The following HOOK1 variants were observed in gnomAD, a reference collection of about 807,000 sequenced individuals.
The protein encoded by HOOK1 is hook microtubule tethering protein 1.
In HOOK1, 60 loss-of-function variants were observed where a neutral mutation model predicts 112.8. That is an observed-to-expected ratio of 0.53 (90% confidence interval 0.43 to 0.66). The LOEUF (loss-of-function observed/expected upper bound fraction) is 0.66, where lower values mean the gene tolerates loss of function less well. Ranked by LOEUF, HOOK1 falls within the 30% of genes least tolerant of loss-of-function variation. The pLI is 0.00. For synonymous variants in HOOK1, 294 were observed against 283.8 expected (o/e 1.04, Z -0.36); for missense variants, 770 against 856.0 (o/e 0.90, Z 1.25).
At chr1:59,850,575 G>A (rs920304816) in intron 12 of HOOK1, among the ~76,000 whole-genome samples, 1 of 151,388 alleles carries the variant, frequency 6.6e-6, no homozygotes, top group Admixed American at 6.6e-5. Context: ...TCTTTTGTAT[G>A]TTGATATCCA....
intron 3 of HOOK1, among the ~76,000 whole-genome samples, chr1:59,831,342 T>C (rs1037853869): frequency 1.4e-4 from 22 of 152,290 alleles, no homozygotes; most frequent in Admixed American, 7.8e-4. Flanking sequence ...TGGGGGTCTT[T>C]AGTGAATGTT....
At chr1:59,842,928 C>G (rs2098401745) in intron 8 of HOOK1, among the ~76,000 whole-genome samples, 1 of 151,928 alleles carries the variant, frequency 6.6e-6, no homozygotes, top group Non-Finnish European at 1.5e-5. Context: ...ATGGAAACAG[C>G]TTAGCTTTTT....
intron 2 of HOOK1, among the ~76,000 whole-genome samples, chr1:59,826,138 G>A (rs1443586517): frequency 6.6e-6 from 1 of 152,040 alleles, no homozygotes; most frequent in African/African-American, 2.4e-5. Flanking sequence ...TAAATACACC[G>A]GATGGAGTTA....
chr1:59,815,937 A>AGATTGTTCAATATTCCAGTCAGC (rs2098381087), intron 1 of HOOK1, among the ~76,000 whole-genome samples: 2 of 152,172 alleles, frequency 1.3e-5, no homozygotes, highest in South Asian at 4.1e-4. Context: ...ATCTGTCCCC[A>AGATTGTTCAATATTCCAGTCAGC]GATTGTTCAA....
intron 2 of HOOK1, among the ~76,000 whole-genome samples, chr1:59,823,268 C>T (rs562854264): frequency 1.3e-5 from 2 of 152,208 alleles, no homozygotes; most frequent in South Asian, 2.1e-4. Context: ...CACAGTGAGC[C>T]GAGATCCTGC....
intron 4 of HOOK1, 35 bp downstream of exon 4, chr1:59,832,248 A>T: frequency 7.8e-7 from 1 of 1,287,562 alleles, no homozygotes; most frequent in Middle Eastern, 1.9e-4. Context: ...TAAATGCATC[A>T]TGCTATACGA....
At chr1:59,843,686 C>T (rs1288343133) in intron 9 of HOOK1, 88 bp downstream of exon 9, 1 of 973,606 alleles carries the variant, frequency 1.0e-6, no homozygotes, top group Non-Finnish European at 1.5e-6. Flanking sequence ...AATTACTAAG[C>T]ATTGTTAAGC....
At chr1:59,858,574 A>T in intron 13 of HOOK1, 59 bp downstream of exon 13, 1 of 1,108,172 alleles carries the variant, frequency 9.0e-7, no homozygotes, top group Non-Finnish European at 1.4e-6. Context: ...GACTCCATTC[A>T]ACAAAAAATA....
chr1:59,846,572 T>A (rs1429117917), intron 9 of HOOK1, among the ~76,000 whole-genome samples: 2 of 79,834 alleles, frequency 2.5e-5, no homozygotes, highest in Non-Finnish European at 5.0e-5. Flanking sequence ...CCTTCCTTCC[T>A]TCCTTCCTTC....
At chr1:59,862,978 C>A in intron 16 of HOOK1, 101 bp downstream of exon 16, 1 of 682,262 alleles carries the variant, frequency 1.5e-6, no homozygotes, top group Non-Finnish European at 2.6e-6. Flanking sequence ...CAGCCCTTAT[C>A]ATTGAGAATA....
chr1:59,839,229 G>C (rs1424190105), intron 7 of HOOK1, among the ~76,000 whole-genome samples: 1 of 152,148 alleles, frequency 6.6e-6, no homozygotes, highest in African/African-American at 2.4e-5. Context: ...TTCCAATTCT[G>C]TGAAGAAAGT....
chr1:59,835,327 G>T lies in HOOK1; in HGVS notation c.407-18G>T, dbSNP rs372687699. On this transcript the variant is annotated intron_variant, in intron 5 of 21. Transcript: ENST00000371208. ...TAAAGAGTAGATTTTTTTCAGATTT[G>T]ATTTTTTTAAATCATAGAACATATT... 3 of 1,469,362 alleles carry T rather than the reference G, an allele frequency of 2.0e-6. No homozygotes were observed. The highest frequency in any genetic ancestry group is 2.3e-5 in the South Asian group (2 of 86,058). 91.0% of individuals were successfully genotyped at this position (1,469,362 alleles called of 1,614,324 possible).
chr1:59,865,950 T>G lies in HOOK1; in HGVS notation c.1823T>G (p.Met608Arg). 6.3e-7 allele frequency: 1 copy of G among 1,593,454 alleles called. No individual in the cohort carries two copies. The highest frequency in any genetic ancestry group is 2.3e-5 in the East Asian group (1 of 44,024). The stretch of plus-strand genomic sequence containing the variant: ...AAAGCAATGGAGGAAAGATATAAAA[T>G]GTACTTGGAGAAAGCCAGAAATGTG... ...DMKAMEERYK[M>R]YLEKARNVIK... The change falls in exon 19 of 22, where the codon ATG (methionine) becomes AGG (arginine). Residue 608 changes from methionine (M) to arginine (R), a missense_variant. Coordinates refer to ENST00000371208, the MANE Select transcript of HOOK1 (RefSeq NM_015888.6).
rs1291376962 is a variant in HOOK1 at position 59,847,159 on chromosome 1, C to T, written c.903C>T (p.Ala301=). ...CTAGTCTTGCAGAAGAAACAAGAGC[C>T]CTGAAAGATGAAATAGATGTTCTTA... The part of the protein sequence containing the change: ...ELTSLAEETR[A]LKDEIDVLRA... The change falls in exon 10 of 22, where the codon GCC becomes GCT. Residue 301 remains alanine (A), a synonymous_variant. Transcript: ENST00000371208. 6.2e-7 allele frequency: 1 copy of T among 1,601,934 alleles called. No individual in the cohort carries two copies. The highest frequency in any genetic ancestry group is 1.7e-5 in the Admixed American group (1 of 57,324).
At position 59,875,882 on chromosome 1, in the gene HOOK1, T is replaced by G. The variant is rs1056918214; in HGVS notation, c.*2917T>G. 2 of 152,428 alleles carry G rather than the reference T, an allele frequency of 1.3e-5. No homozygotes were observed. Among genetic ancestry groups the G allele is most frequent in the Non-Finnish European group, 2.9e-5 (2 of 68,032 alleles). 9.4% of individuals were successfully genotyped at this position (152,428 alleles called of 1,614,324 possible). On this transcript the variant is annotated 3_prime_UTR_variant, in exon 22 of 22. Coordinates refer to ENST00000371208, the MANE Select transcript of HOOK1 (RefSeq NM_015888.6). ...ATATTAAAGTGAGTATTCCTCATTA[T>G]GTCATCATTTCTGATAATTAGAGTG... is the stretch of plus-strand genomic sequence containing the variant.
intron 9 of HOOK1, among the ~76,000 whole-genome samples, chr1:59,844,887 A>G (rs1162144867): frequency 2.0e-5 from 3 of 151,996 alleles, no homozygotes; most frequent in Non-Finnish European, 4.4e-5. Context: ...ACAATTATAT[A>G]TTGAAACTTT....
rs549983206 is a variant in HOOK1, at chr1:59,832,281, T to A, written c.273+68T>A. ...CGAAAATTACTTTAAGACTGAAAAATCACTTGGTTTTTTGTTTATAATATT... is the reference window on the plus strand; with the variant it reads ...CGAAAATTACTTTAAGACTGAAAAAACACTTGGTTTTTTGTTTATAATATT... On this transcript the variant is annotated intron_variant, in intron 4 of 21. Transcript: ENST00000371208. 9.9e-5 allele frequency: 91 copies of A among 921,858 alleles called. 1 individual carries two copies. The Middle Eastern group carries it at 1.6e-3, about 16-fold the overall frequency. 57.1% of individuals were successfully genotyped at this position (921,858 alleles called of 1,614,324 possible).
intron 14 of HOOK1, among the ~76,000 whole-genome samples, chr1:59,859,901 CATA>C (rs2098412661): frequency 1.3e-5 from 2 of 151,912 alleles, no homozygotes; most frequent in Non-Finnish European, 2.9e-5. Context: ...TCAGGAATGG[CATA>C]ATAACAATTT....
intron 1 of HOOK1, among the ~76,000 whole-genome samples, chr1:59,819,053 T>A (rs1214905988): frequency 6.6e-6 from 1 of 152,086 alleles, no homozygotes; most frequent in African/African-American, 2.4e-5. Flanking sequence ...CCTGTCTGTC[T>A]TTTTTGGGTC....
Sources: allele counts gnomAD v4.1 joint callset (sites outside exome capture counted in the v4.1 genomes callset), GRCh38; gene constraint gnomAD v4.1.1; transcripts MANE v1.5; gene names NCBI Gene and HGNC (gene_info 2026-07-23, HGNC 2026-07-21).